MAGI3: variants seen among roughly 807,000 people sequenced by gnomAD.
The protein encoded by MAGI3 is membrane-associated guanylate kinase, WW and PDZ domain-containing protein 3.
Under a neutral mutation model 121.8 loss-of-function variants are expected in MAGI3, and 43 were observed. That is an observed-to-expected ratio of 0.35 (90% CI 0.28 to 0.46). The LOEUF is 0.46. Among genes scored for constraint, MAGI3 ranks in the 20% least tolerant of loss-of-function variants. The probability of loss-of-function intolerance (pLI) is 1.00; values close to 1 mark genes in which losing one functional copy is unlikely to be tolerated. For missense variants in MAGI3, 1,547 were observed against 1,797.3 expected (o/e 0.86, Z 2.52); for synonymous variants, 553 against 639.3 (o/e 0.86, Z 2.04).
intron 1 of MAGI3, among the ~76,000 whole-genome samples, chr1:113,394,678 G>T (rs2101265468): frequency 6.6e-6 from 1 of 152,220 alleles, no homozygotes; most frequent in South Asian, 2.1e-4. Context: ...TCAGCAGTTT[G>T]CTTTCAGTAA....
At chr1:113,428,847 T>C (rs1653154119) in intron 1 of MAGI3, among the ~76,000 whole-genome samples, 1 of 152,212 alleles carries the variant, frequency 6.6e-6, no homozygotes, top group South Asian at 2.1e-4. Context: ...ATGCCTAAAT[T>C]TGTCCAAATC....
intron 1 of MAGI3, among the ~76,000 whole-genome samples, chr1:113,511,828 T>C (rs532326184): frequency 1.1e-4 from 17 of 152,352 alleles, no homozygotes; most frequent in Non-Finnish European, 2.5e-4. Context: ...AAGCTGATAT[T>C]GGGCTATAAC....
intron 1 of MAGI3, among the ~76,000 whole-genome samples, chr1:113,405,169 A>C (rs538169127): frequency 6.6e-6 from 1 of 152,170 alleles, no homozygotes; most frequent in African/African-American, 2.4e-5. Context: ...CCCTCTCCCA[A>C]CACATTTTAC....
chr1:113,586,298 C>T (rs1174780700), intron 4 of MAGI3, among the ~76,000 whole-genome samples: 1 of 152,128 alleles, frequency 6.6e-6, no homozygotes, highest in African/African-American at 2.4e-5. Flanking sequence ...CTGAAGTTTT[C>T]CTTTTTTTAT....
intron 1 of MAGI3, among the ~76,000 whole-genome samples, chr1:113,516,092 A>G (rs754185130): frequency 1.3e-5 from 2 of 152,060 alleles, no homozygotes; most frequent in Non-Finnish European, 2.9e-5. Flanking sequence ...TATCTCCAAC[A>G]GAAGAGTGAA....
At chr1:113,646,415 A>G (rs1652844905) in intron 11 of MAGI3, 71 bp from the exon 12 acceptor site, 2 of 1,264,284 alleles carry the variant, frequency 1.6e-6, no homozygotes, top group Non-Finnish European at 1.1e-6. Context: ...TCCATTTCAG[A>G]TATCAGTTTT....
chr1:113,636,781 CTTG>C (rs1225064774), intron 9 of MAGI3, among the ~76,000 whole-genome samples: 9 of 151,638 alleles, frequency 5.9e-5, no homozygotes, highest in Non-Finnish European at 1.0e-4. Context: ...CCTGGATATC[CTTG>C]TTGACTTTCT....
At chr1:113,452,680 G>A (rs2101491798) in intron 1 of MAGI3, among the ~76,000 whole-genome samples, 1 of 152,206 alleles carries the variant, frequency 6.6e-6, no homozygotes, top group Admixed American at 6.5e-5. Flanking sequence ...TGCAGTTGTT[G>A]TTTTGTATAC....
At chr1:113,671,637 C>T in intron 16 of MAGI3, 97 bp from the exon 17 acceptor site, 1 of 1,089,028 alleles carries the variant, frequency 9.2e-7, no homozygotes, top group Non-Finnish European at 1.4e-6. Context: ...GTCAGTACAG[C>T]AATAGCCATC....
intron 1 of MAGI3, among the ~76,000 whole-genome samples, chr1:113,546,209 C>T (rs956326754): frequency 6.6e-6 from 1 of 152,134 alleles, no homozygotes; most frequent in African/African-American, 2.4e-5. Flanking sequence ...GAATGCAAGT[C>T]CATAGTTAAC....
intron 6 of MAGI3, among the ~76,000 whole-genome samples, chr1:113,612,645 T>C (rs1476285111): frequency 6.7e-6 from 1 of 148,608 alleles, no homozygotes; most frequent in Non-Finnish European, 1.5e-5. Flanking sequence ...CAAAAAAAAC[T>C]TGCTAATGGT....
intron 1 of MAGI3, among the ~76,000 whole-genome samples, chr1:113,536,603 ATCT>A (rs1432867154): frequency 3.3e-5 from 5 of 151,828 alleles, no homozygotes; most frequent in African/African-American, 1.2e-4. Flanking sequence ...TAATTACTAA[ATCT>A]TCTTACTTTG....
chr1:113,479,493 T>C (rs1369194857), intron 1 of MAGI3, among the ~76,000 whole-genome samples: 1 of 152,218 alleles, frequency 6.6e-6, no homozygotes. Flanking sequence ...CGTTCCCTTG[T>C]ATGTGACTAG....
intron 1 of MAGI3, among the ~76,000 whole-genome samples, chr1:113,421,771 G>C (rs1652744058): frequency 6.6e-6 from 1 of 152,134 alleles, no homozygotes; most frequent in South Asian, 2.1e-4. Context: ...AGGGACTATG[G>C]CTCTGTAATT....
At chr1:113,485,972 T>C (rs528317452) in intron 1 of MAGI3, among the ~76,000 whole-genome samples, 1 of 152,268 alleles carries the variant, frequency 6.6e-6, no homozygotes, top group Non-Finnish European at 1.5e-5. Flanking sequence ...TCAGTTGGCT[T>C]TAAATATTTG....
At chr1:113,517,313 C>CA (rs1181650637) in intron 1 of MAGI3, among the ~76,000 whole-genome samples, 2 of 151,416 alleles carry the variant, frequency 1.3e-5, no homozygotes, top group South Asian at 2.1e-4. Context: ...TAAAACTTTT[C>CA]TAAAATAAAA....
intron 1 of MAGI3, among the ~76,000 whole-genome samples, chr1:113,423,033 C>T (rs1553183558): frequency 6.6e-6 from 1 of 152,142 alleles, no homozygotes; most frequent in Non-Finnish European, 1.5e-5. Context: ...GCTTGGTGAG[C>T]CGACCAAGAA....
Position 113,659,170 on chromosome 1 carries a change from A to G in MAGI3, c.2720A>G (p.Asn907Ser). Residue 907 changes from asparagine (N) to serine (S), a missense_variant, in exon 16 of 21, where the codon AAT (asparagine) becomes AGT (serine). Transcript: ENST00000307546. Reference sequence around the variant, plus strand: ...GTTGGAGATCATATCTCTGCAGTGAATGGGCAGTCCATTGTTGAACTGTCT... The same window carrying G: ...GTTGGAGATCATATCTCTGCAGTGAGTGGGCAGTCCATTGTTGAACTGTCT... ...LKVGDHISAV[N>S]GQSIVELSHD... The G allele has an allele frequency of 6.2e-6, 10 of 1,614,122 alleles. No homozygotes were observed. Among genetic ancestry groups the G allele is most frequent in the East Asian group, 2.2e-5 (1 of 44,888 alleles).
At chr1:113,474,323 C>T (rs554935697) in intron 1 of MAGI3, among the ~76,000 whole-genome samples, 8 of 152,270 alleles carry the variant, frequency 5.3e-5, no homozygotes, top group South Asian at 2.1e-4. Context: ...ATGTTTTAGT[C>T]ATGAAGTCCT....
Sources: gnomAD v4.1 joint callset for allele counts (sites outside exome capture counted in the v4.1 genomes callset) on GRCh38, gnomAD v4.1.1 for gene constraint, MANE v1.5 for transcripts, NCBI Gene and HGNC (gene_info 2026-07-23, HGNC 2026-07-21) for gene names.